Variants in ANKS1B observed in about 807,000 individuals in gnomAD.
ANKS1B encodes the protein ankyrin repeat and sterile alpha motif domain-containing protein 1B.
In ANKS1B, 36 loss-of-function variants were observed where a neutral mutation model predicts 148.3. The observed-to-expected ratio is 0.24, with a 90% CI of 0.19 to 0.32. ANKS1B has a LOEUF of 0.32. Ranked by LOEUF, ANKS1B falls within the 10% of genes least tolerant of loss-of-function variation. The probability of loss-of-function intolerance (pLI) is 1.00; values close to 1 mark genes in which losing one functional copy is unlikely to be tolerated. For missense variants in ANKS1B, 1,157 were observed against 1,542.6 expected, an observed-to-expected ratio of 0.75 and a Z score of 4.19; for synonymous variants, 542 against 560.8, an observed-to-expected ratio of 0.97 and a Z score of 0.47.
At chr12:99,224,639 C>T (rs886395704) in intron 14 of ANKS1B, among the ~76,000 whole-genome samples, 1 of 152,170 alleles carries the variant, frequency 6.6e-6, no homozygotes. Flanking sequence ...CCTGGAGAAT[C>T]ATGAGCCAAT....
chr12:99,634,093 T>A (rs768408375), intron 9 of ANKS1B, among the ~76,000 whole-genome samples: 1 of 152,198 alleles, frequency 6.6e-6, no homozygotes, highest in Non-Finnish European at 1.5e-5. Flanking sequence ...ATACTATGGT[T>A]TGAATATTTT....
At chr12:99,896,421 G>A (rs950974937) in intron 1 of ANKS1B, among the ~76,000 whole-genome samples, 12 of 151,132 alleles carry the variant, frequency 7.9e-5, no homozygotes, top group African/African-American at 2.9e-4. Flanking sequence ...GTTACAAATG[G>A]CAGTAACTCC....
intron 1 of ANKS1B, among the ~76,000 whole-genome samples, chr12:99,844,479 C>T (rs2086295218): frequency 6.6e-6 from 1 of 152,126 alleles, no homozygotes; most frequent in Non-Finnish European, 1.5e-5. Context: ...TCTCCCAGCA[C>T]CATTTATTAA....
intron 9 of ANKS1B, among the ~76,000 whole-genome samples, chr12:99,646,638 G>A (rs545054894): frequency 3.3e-5 from 4 of 119,660 alleles, no homozygotes; most frequent in Non-Finnish European, 6.5e-5. Flanking sequence ...GGGTGACAGA[G>A]TGAGACTCCA....
chr12:99,600,840 G>A (rs1235318569), intron 9 of ANKS1B, among the ~76,000 whole-genome samples: 1 of 151,946 alleles, frequency 6.6e-6, no homozygotes, highest in Non-Finnish European at 1.5e-5. Flanking sequence ...TATCTCTTTT[G>A]TTTTCCAAGT....
At chr12:99,808,432 C>T (rs1006303778) in intron 3 of ANKS1B, among the ~76,000 whole-genome samples, 4 of 151,980 alleles carry the variant, frequency 2.6e-5, no homozygotes, top group African/African-American at 9.7e-5. Flanking sequence ...AAGGTCAAAC[C>T]CACAGGGAAA....
intron 8 of ANKS1B, chr12:99,706,352 A>T (rs2055769409): frequency 1.3e-5 from 2 of 152,012 alleles, no homozygotes. Flanking sequence ...ATAATAAATA[A>T]TATATAAATA....
chr12:99,842,633 T>C (rs1432448546), intron 1 of ANKS1B, among the ~76,000 whole-genome samples: 5 of 152,062 alleles, frequency 3.3e-5, no homozygotes, highest in South Asian at 2.1e-4. Flanking sequence ...TCTTGGTAAT[T>C]TTCCATCCAC....
At chr12:99,965,756 T>A (rs1197507516) in intron 1 of ANKS1B, among the ~76,000 whole-genome samples, 1 of 152,110 alleles carries the variant, frequency 6.6e-6, no homozygotes, top group Non-Finnish European at 1.5e-5. Context: ...AAACCCCGTC[T>A]CTACTAAAAA....
chr12:99,581,734 C>CA (rs1156976488), intron 9 of ANKS1B, among the ~76,000 whole-genome samples: 3 of 150,190 alleles, frequency 2.0e-5, no homozygotes, highest in Non-Finnish European at 4.4e-5. Context: ...ACTAAAAATA[C>CA]AAAAAAATTA....
intron 9 of ANKS1B, among the ~76,000 whole-genome samples, chr12:99,636,160 A>AGTCTAGAATATAGAATTCTGTTTG (rs1343828495): frequency 6.6e-6 from 1 of 152,126 alleles, no homozygotes; most frequent in Non-Finnish European, 1.5e-5. Context: ...TAGAATATAC[A>AGTCTAGAATATAGAATTCTGTTTG]GTCTAGAATA....
intron 9 of ANKS1B, among the ~76,000 whole-genome samples, chr12:99,569,017 A>G (rs2097424899): frequency 6.6e-6 from 1 of 152,172 alleles, no homozygotes; most frequent in South Asian, 2.1e-4. Context: ...ACACGGTGAT[A>G]TGTCTTTGGT....
At chr12:98,920,268 C>T (rs2099799727) in intron 17 of ANKS1B, among the ~76,000 whole-genome samples, 1 of 152,218 alleles carries the variant, frequency 6.6e-6, no homozygotes. Context: ...GGCTGGGCAC[C>T]TTGATCTGGA....
At chr12:98,838,197 G>C (rs1385410488) in intron 17 of ANKS1B, among the ~76,000 whole-genome samples, 2 of 152,110 alleles carry the variant, frequency 1.3e-5, no homozygotes, top group African/African-American at 4.8e-5. Flanking sequence ...TTTGGTTTGT[G>C]CTCCTTTCTG....
chr12:98,947,275 A>G (rs562918901), intron 17 of ANKS1B, among the ~76,000 whole-genome samples: 2 of 152,114 alleles, frequency 1.3e-5, no homozygotes, highest in East Asian at 1.9e-4. Flanking sequence ...AGGATTTTGG[A>G]GCAGTAAAGG....
intron 8 of ANKS1B, among the ~76,000 whole-genome samples, chr12:99,757,129 C>T (rs149821438): frequency 1.1e-3 from 172 of 152,148 alleles, no homozygotes; most frequent in African/African-American, 3.7e-3. Flanking sequence ...GACTTCTGCA[C>T]AGCCAAAGAA....
At chr12:98,828,715 T>A (rs548226859) in intron 19 of ANKS1B, among the ~76,000 whole-genome samples, 1 of 152,332 alleles carries the variant, frequency 6.6e-6, no homozygotes. Context: ...GGTGACAATA[T>A]GAGAAAACGC....
chr12:99,106,976 G>A (rs1224587385), intron 15 of ANKS1B, among the ~76,000 whole-genome samples: 3 of 152,060 alleles, frequency 2.0e-5, no homozygotes, highest in Non-Finnish European at 2.9e-5. Context: ...AAGAACTATG[G>A]TCCAGACGTC....
chr12:99,631,052 T>G (rs1347624109), intron 9 of ANKS1B, among the ~76,000 whole-genome samples: 1 of 152,146 alleles, frequency 6.6e-6, no homozygotes, highest in East Asian at 1.9e-4. Context: ...ATGTCTCATG[T>G]AAGACATGAC....
Sources: allele counts gnomAD v4.1 joint callset (sites outside exome capture counted in the v4.1 genomes callset), GRCh38; gene constraint gnomAD v4.1.1; transcripts MANE v1.5; gene names NCBI Gene and HGNC (gene_info 2026-07-23, HGNC 2026-07-21).